Variants in MTMR1 observed in about 807,000 individuals in gnomAD.
MTMR1 encodes myotubularin related protein 1, also known as phosphatidylinositol-3-phosphate phosphatase MTMR1.
MTMR1 carries 17 observed loss-of-function variants against 51.6 expected under a neutral mutation model. That is an observed-to-expected ratio of 0.33 (90% CI 0.23 to 0.49). The LOEUF (loss-of-function observed/expected upper bound fraction) is 0.49. MTMR1 is among the 20% of genes least tolerant of loss of function. The pLI, the probability that MTMR1 is intolerant of heterozygous loss-of-function variation, is 0.99. For missense variants in MTMR1, 386 were observed against 526.9 expected (o/e 0.73, Z 2.62); for synonymous variants, 201 against 205.6 (o/e 0.98, Z 0.19).
chrX:150,762,334 C>T (rs186073811), intron 15 of MTMR1, among the ~76,000 whole-genome samples: 1,230 of 111,847 alleles, frequency 0.011, 10 homozygotes, highest in Non-Finnish European at 0.017. Context: ...CTTTTCATCC[C>T]GGCTCAGCGG....
intron 5 of MTMR1, 96 bp from the exon 6 acceptor site, chrX:150,727,588 G>T (rs892964028): frequency 1.5e-6 from 1 of 660,804 alleles, no homozygotes; most frequent in Non-Finnish European, 2.4e-6. Flanking sequence ...GAGGAAATGC[G>T]AAGTAAACAA....
intron 3 of MTMR1, among the ~76,000 whole-genome samples, chrX:150,717,087 C>CGGT (rs1325794353): frequency 9.0e-6 from 1 of 110,840 alleles, no homozygotes; most frequent in Non-Finnish European, 1.9e-5. Flanking sequence ...AGGCCGGGCG[C>CGGT]GGTGGCTCAC....
rs2041353237 is a variant in MTMR1, at chrX:150,712,657, C to G, written c.276+292C>G. 4 of 284,868 alleles carry G rather than the reference C, an allele frequency of 1.4e-5. No individual in the cohort carries two copies. The East Asian group carries it at 2.7e-4, about 19-fold the overall frequency. The allele number at this position is 284,868 out of a possible 1,213,427, so 23.5% of individuals were successfully genotyped here. A position where few individuals can be genotyped will look rare whatever the true frequency, so the allele number is the denominator to read the frequency against. ...CATGAATTATGACCAAATGGATATT[C>G]ATGACTGGGGTTATAAGGCTGGGGC... On this transcript the variant is annotated intron_variant, in intron 3 of 15. Coordinates refer to ENST00000445323, the MANE Select transcript of MTMR1 (RefSeq NM_001306144.3).
chrX:150,739,432 T>C lies in MTMR1; in HGVS notation c.1473+1984T>C, dbSNP rs182300061. ...TAAGGAAGAGAGAGTGTGTGGAATC[T>C]TTCCAGATGTTTGGGCCACCTCAGA... On this transcript the variant is annotated intron_variant, in intron 12 of 15. Transcript: ENST00000445323. Among the ~76,000 whole-genome samples, 116 of 112,764 alleles carry C rather than the reference T, an allele frequency of 1.0e-3. 1 individual carries two copies. Among genetic ancestry groups the C allele is most frequent in the African/African-American group, 3.7e-3 (114 of 31,070 alleles).
intron 10 of MTMR1, among the ~76,000 whole-genome samples, chrX:150,734,444 C>T (rs1394525704): frequency 8.9e-6 from 1 of 112,768 alleles, no homozygotes; most frequent in Non-Finnish European, 1.9e-5. Context: ...AGGCATCCCT[C>T]AGTGAGGCCC....
chrX:150,743,827 T>C, intron 12 of MTMR1, among the ~76,000 whole-genome samples: 1 of 112,817 alleles, frequency 8.9e-6, no homozygotes, highest in Non-Finnish European at 1.9e-5. Context: ...TGGACTGCCT[T>C]AAGCAAGGAC....
chrX:150,750,611 T>C (rs1453538839), intron 13 of MTMR1, 119 bp from the exon 14 acceptor site: 1 of 459,259 alleles, frequency 2.2e-6, no homozygotes, highest in African/African-American at 2.5e-5. Flanking sequence ...ATGGGCTCAG[T>C]CTTCCTTTAA....
Position 150,712,688 on chromosome X carries a change from A to G in MTMR1, c.276+323A>G, listed in dbSNP as rs2041354855. Reference sequence around the variant, plus strand: ...TGGGGTTATAAGGCTGGGGCTACTGAGGTCTCTTTTAATCTTGTTTATTGT... The same window carrying G: ...TGGGGTTATAAGGCTGGGGCTACTGGGGTCTCTTTTAATCTTGTTTATTGT... On this transcript the variant is annotated intron_variant, in intron 3 of 15. Coordinates refer to ENST00000445323, the MANE Select transcript of MTMR1 (RefSeq NM_001306144.3). 2.0e-5 allele frequency: 5 copies of G among 244,194 alleles called. No homozygotes were observed. The East Asian group carries it at 4.5e-4, about 22-fold the overall frequency. The allele number at this position is 244,194 out of a possible 1,213,427, so 20.1% of individuals were successfully genotyped here.
At chrX:150,717,519 TG>T (rs2041581450) in intron 3 of MTMR1, among the ~76,000 whole-genome samples, 1 of 110,924 alleles carries the variant, frequency 9.0e-6, no homozygotes, top group Admixed American at 9.6e-5. Flanking sequence ...TTGGAATTGC[TG>T]GGGGTTCTGA....
At chrX:150,757,904 G>A (rs1485382358) in intron 15 of MTMR1, among the ~76,000 whole-genome samples, 1 of 110,841 alleles carries the variant, frequency 9.0e-6, no homozygotes, top group African/African-American at 3.3e-5. Flanking sequence ...AGAGAGTGGA[G>A]GCGCTGCTAA....
chrX:150,714,646 A>G, intron 3 of MTMR1: 1 of 437,192 alleles, frequency 2.3e-6, no homozygotes, highest in Non-Finnish European at 3.4e-6. Flanking sequence ...CCACAATAGT[A>G]GTGCCCTCCT....
chrX:150,759,742 A>G (rs782660379), intron 15 of MTMR1, among the ~76,000 whole-genome samples: 1 of 110,066 alleles, frequency 9.1e-6, no homozygotes, highest in Non-Finnish European at 1.9e-5. Context: ...CAACATCATG[A>G]TGATGATGGA....
intron 3 of MTMR1, chrX:150,714,612 A>G (rs1427615660): frequency 1.6e-5 from 12 of 738,613 alleles, no homozygotes; most frequent in Non-Finnish European, 2.2e-5. Context: ...CTAGATAATA[A>G]GCAAAGCTTT....
intron 4 of MTMR1, among the ~76,000 whole-genome samples, chrX:150,723,795 C>T (rs1013407580): frequency 1.8e-5 from 2 of 111,747 alleles, no homozygotes; most frequent in African/African-American, 3.3e-5. Context: ...TCTGTGTTCT[C>T]ATCATTTAGC....
At chrX:150,725,903 C>T (rs149005933) in intron 4 of MTMR1, among the ~76,000 whole-genome samples, 2 of 111,977 alleles carry the variant, frequency 1.8e-5, no homozygotes, top group Non-Finnish European at 3.8e-5. Context: ...TGTGCCCTTC[C>T]TCCCTTCCTT....
At position 150,764,140 on chromosome X, in the gene MTMR1, T is replaced by G. The variant is rs1227496071; in HGVS notation, c.*1411T>G. The G allele has an allele frequency of 1.8e-5, 2 of 112,629 alleles. No individual in the cohort carries two copies. Among genetic ancestry groups the G allele is most frequent in the Non-Finnish European group, 3.8e-5 (2 of 53,300 alleles). The allele number at this position is 112,629 out of a possible 1,213,427, so 9.3% of individuals were successfully genotyped here. ...AAACCCCAGTGTGACTGCATAGCAGTGTTAGCTGGTTGGTTTCAAACTACT... is the reference window on the plus strand; with the variant it reads ...AAACCCCAGTGTGACTGCATAGCAGGGTTAGCTGGTTGGTTTCAAACTACT... On this transcript the variant is annotated 3_prime_UTR_variant, in exon 16 of 16. Transcript: ENST00000445323.
At chrX:150,748,914 G>A (rs2042651428) in intron 13 of MTMR1, among the ~76,000 whole-genome samples, 1 of 111,864 alleles carries the variant, frequency 8.9e-6, no homozygotes, top group Admixed American at 9.5e-5. Context: ...GTTGCGAGGG[G>A]CAATCTTAAA....
intron 14 of MTMR1, among the ~76,000 whole-genome samples, chrX:150,754,629 T>C (rs1053503165): frequency 8.9e-6 from 1 of 112,402 alleles, no homozygotes. Flanking sequence ...CTTGTCTTTA[T>C]AGAGCTTCTC....
rs140791333 is a variant in MTMR1, at chrX:150,729,142, C to T, written c.556-967C>T. ...CCCACTTTCCTCTGCAGCTTGGTCT[C>T]GAACTGCCCTCCTCTCATTCTGGCC... On this transcript the variant is annotated intron_variant, in intron 6 of 15. Coordinates refer to ENST00000445323, the MANE Select transcript of MTMR1 (RefSeq NM_001306144.3). Among the ~76,000 whole-genome samples, 207 of 110,970 alleles carry T rather than the reference C, an allele frequency of 1.9e-3. 1 individual carries two copies. Among genetic ancestry groups the T allele is most frequent in the African/African-American group, 6.6e-3 (200 of 30,497 alleles).
Sources: allele counts gnomAD v4.1 joint callset (sites outside exome capture counted in the v4.1 genomes callset), GRCh38; gene constraint gnomAD v4.1.1; transcripts MANE v1.5; gene names NCBI Gene and HGNC (gene_info 2026-07-23, HGNC 2026-07-21).